The following RAB44 variants were observed in gnomAD, a reference collection of about 807,000 sequenced individuals.
RAB44 encodes ras-related protein Rab-44.
Under a neutral mutation model 93.3 loss-of-function variants are expected in RAB44, and 67 were observed. The observed-to-expected ratio is 0.72, with a 90% CI of 0.59 to 0.88. The LOEUF is 0.88. Ranked by LOEUF, RAB44 falls within the 40% of genes least tolerant of loss-of-function variation. The pLI is 0.00. For missense variants in RAB44, 1,064 were observed against 1,261.7 expected, an observed-to-expected ratio of 0.84 and a Z score of 2.37; for synonymous variants, 427 against 520.3, an observed-to-expected ratio of 0.82 and a Z score of 2.44.
rs1762973715 is a variant in RAB44 at position 36,718,159 on chromosome 6, G to C, written c.732+41G>C. On this transcript the variant is annotated intron_variant, in intron 6 of 13. Coordinates refer to ENST00000612677, the MANE Select transcript of RAB44 (RefSeq NM_001257357.2). ...CAGCCTGCCTCCTTCCCACTGCCCG[G>C]GACACCTCTGCTGGCTAAGGAATGG... 3 of 1,197,400 alleles carry C rather than the reference G, an allele frequency of 2.5e-6. No homozygotes were observed. The Admixed American group carries it at 1.3e-4, about 51-fold the overall frequency. 74.2% of individuals were successfully genotyped at this position (1,197,400 alleles called of 1,614,324 possible).
rs758244468 is a variant in RAB44 at position 36,719,358 on chromosome 6, G to T, written c.828+770G>T. On this transcript the variant is annotated intron_variant, in intron 7 of 13. Transcript: ENST00000612677. ...TTGGAAATCGAGGCAGGCCCCTCCT[G>T]CCAAGTGAAGAGATAGGGCTTTACA... is the stretch of plus-strand genomic sequence containing the variant. 3.3e-5 allele frequency among the ~76,000 whole-genome samples: 5 copies of T among 152,302 alleles called. No homozygotes were observed. In the South Asian group the frequency reaches 1.0e-3, roughly 32 times the overall value.
intron 2 of RAB44, among the ~76,000 whole-genome samples, chr6:36,707,174 G>T (rs9462211): frequency 3.6e-4 from 55 of 151,992 alleles, no homozygotes; most frequent in Non-Finnish European, 7.4e-4. Flanking sequence ...ACAAAAATTA[G>T]CCAGGCGTGG....
At chr6:36,725,825 T>C (rs1253255578) in intron 9 of RAB44, 37 bp from the exon 10 acceptor site, 3 of 1,471,832 alleles carry the variant, frequency 2.0e-6, no homozygotes, top group African/African-American at 1.4e-5. Context: ...TCCTGGATGG[T>C]AACTTAGTAG....
At position 36,722,454 on chromosome 6, in the gene RAB44, C is replaced by T; in HGVS notation, c.2320C>T (p.Gln774Ter). Residue 774 changes from glutamine (Q) to a stop codon, truncating the protein, a stop_gained, in exon 9 of 14, where the codon CAA becomes TAA. Coordinates refer to ENST00000612677, the MANE Select transcript of RAB44 (RefSeq NM_001257357.2). LOFTEE classifies it high-confidence loss of function. Reference protein sequence around the residue: ...TPPTMAEQEAQPRPSLTTAHA... With the variant: ...TPPTMAEQEA ...TCCCACCATGGCTGAGCAGGAAGCC[C>T]AACCCAGGCCATCCCTCACGACTGC... The T allele has an allele frequency of 6.9e-7, 1 of 1,442,342 alleles. No homozygotes were observed. The highest frequency in any genetic ancestry group is 9.1e-7 in the Non-Finnish European group (1 of 1,101,056). 89.3% of individuals were successfully genotyped at this position (1,442,342 alleles called of 1,614,324 possible).
intron 12 of RAB44, among the ~76,000 whole-genome samples, chr6:36,730,426 G>A (rs780179686): frequency 2.0e-5 from 3 of 152,276 alleles, no homozygotes; most frequent in South Asian, 4.2e-4. Context: ...ATGCCACTCC[G>A]AAGGCTGTGA....
intron 1 of RAB44, among the ~76,000 whole-genome samples, chr6:36,702,132 C>T (rs1179702558): frequency 1.3e-5 from 2 of 152,040 alleles, no homozygotes; most frequent in African/African-American, 4.8e-5. Context: ...TTTGCTGATT[C>T]CCATGGTGCC....
chr6:36,705,503 C>T (rs1762627417), intron 2 of RAB44, among the ~76,000 whole-genome samples: 1 of 151,372 alleles, frequency 6.6e-6, no homozygotes, highest in Admixed American at 6.6e-5. Flanking sequence ...CTGCTTCAGC[C>T]TCCCAAGTAG....
rs528976393 is a variant in RAB44 at position 36,699,349 on chromosome 6, T to A, written c.-13+1434T>A. On this transcript the variant is annotated intron_variant, in intron 1 of 13. Transcript: ENST00000612677. Reference sequence around the variant, plus strand: ...TCCTAGGATGTGGCTGCAGGGAATTTCTTCCAGGATTCTAACATCCTACAC... The same window carrying A: ...TCCTAGGATGTGGCTGCAGGGAATTACTTCCAGGATTCTAACATCCTACAC... Among the ~76,000 whole-genome samples the A allele has an allele frequency of 2.3e-4, 35 of 152,240 alleles. No individual in the cohort carries two copies. In the Middle Eastern group the frequency reaches 0.017, roughly 74 times the overall value.
intron 1 of RAB44, among the ~76,000 whole-genome samples, chr6:36,702,939 C>A (rs771397140): frequency 7.9e-5 from 12 of 151,970 alleles, no homozygotes; most frequent in African/African-American, 2.9e-4. Context: ...GCTAAGGGGG[C>A]GGGGAGCAGT....
chr6:36,704,067 C>T (rs958221914), intron 1 of RAB44, among the ~76,000 whole-genome samples, 157 bp from the exon 2 acceptor site: 2 of 152,076 alleles, frequency 1.3e-5, no homozygotes, highest in African/African-American at 4.8e-5. Context: ...GGCGGCTGGG[C>T]GACGAGGTCA....
intron 1 of RAB44, among the ~76,000 whole-genome samples, chr6:36,699,862 T>C (rs1762470970): frequency 6.6e-6 from 1 of 152,254 alleles, no homozygotes; most frequent in South Asian, 2.1e-4. Context: ...TTGCTACCTT[T>C]ACCTGGTAGT....
In RAB44 at chr6:36,708,029, G is replaced by A. The variant is rs373024036; in HGVS notation, c.207+3587G>A. ...AATTCAAGACCAGTCTGGACAATATGGAGAGATTCCATCCTATAAAAAGGT... is the reference window on the plus strand; with the variant it reads ...AATTCAAGACCAGTCTGGACAATATAGAGAGATTCCATCCTATAAAAAGGT... On this transcript the variant is annotated intron_variant, in intron 2 of 13. Transcript: ENST00000612677. Among the ~76,000 whole-genome samples the A allele has an allele frequency of 6.0e-4, 92 of 152,156 alleles. 1 individual carries two copies. Among genetic ancestry groups the A allele is most frequent in the African/African-American group, 2.1e-3 (89 of 41,506 alleles).
At chr6:36,716,905 C>T (rs1369841816) in intron 4 of RAB44, among the ~76,000 whole-genome samples, 1 of 152,156 alleles carries the variant, frequency 6.6e-6, no homozygotes, top group Non-Finnish European at 1.5e-5. Flanking sequence ...TCAGCCCCCA[C>T]CCCATTTTAC....
intron 2 of RAB44, among the ~76,000 whole-genome samples, chr6:36,709,385 G>A (rs1003109780): frequency 6.6e-6 from 1 of 152,114 alleles, no homozygotes; most frequent in Non-Finnish European, 1.5e-5. Flanking sequence ...AACTTTCTAC[G>A]ACATTCTATA....
chr6:36,701,290 A>G (rs1165083717), intron 1 of RAB44, among the ~76,000 whole-genome samples: 2 of 151,800 alleles, frequency 1.3e-5, no homozygotes, highest in Non-Finnish European at 2.9e-5. Flanking sequence ...TTTGTTTTTG[A>G]TAGAGATGGA....
chr6:36,699,036 C>T (rs1293735885), intron 1 of RAB44, among the ~76,000 whole-genome samples: 3 of 152,058 alleles, frequency 2.0e-5, no homozygotes, highest in Admixed American at 2.0e-4. Flanking sequence ...GGGGTGAGTG[C>T]ACCATCCCAC....
rs1196714165 is a variant in RAB44, at chr6:36,720,396, C to T, written c.862C>T (p.His288Tyr). The T allele has an allele frequency of 4.1e-6, 5 of 1,232,392 alleles. No homozygotes were observed. Among genetic ancestry groups the T allele is most frequent in the Non-Finnish European group, 5.1e-6 (5 of 988,212 alleles). The allele number at this position is 1,232,392 out of a possible 1,614,324, so 76.3% of individuals were successfully genotyped here. ...CCAGCTCTCCCACCTCAGGAGCACA[C>T]ATCAGGAGGCTGCCTCAGAGAACCA... ...EAQLSHLRST[H>Y]QEAASENQQL... is the part of the protein sequence containing the mutation. Residue 288 changes from histidine (H) to tyrosine (Y), a missense_variant, in exon 8 of 14, where the codon CAT (histidine) becomes TAT (tyrosine). Transcript: ENST00000612677.
chr6:36,722,964 G>A (rs977377256), intron 9 of RAB44, among the ~76,000 whole-genome samples: 3 of 152,262 alleles, frequency 2.0e-5, no homozygotes, highest in African/African-American at 7.2e-5. Context: ...CTTATAAGGT[G>A]CCACATCAAC....
At chr6:36,712,100 C>T (rs1027302685) in intron 2 of RAB44, among the ~76,000 whole-genome samples, 1 of 151,902 alleles carries the variant, frequency 6.6e-6, no homozygotes, top group Admixed American at 6.6e-5. Context: ...GTCAGGGGTT[C>T]GAGACCAGCT....
Sources: gnomAD v4.1 joint callset for allele counts (sites outside exome capture counted in the v4.1 genomes callset) on GRCh38, gnomAD v4.1.1 for gene constraint, MANE v1.5 for transcripts, NCBI Gene and HGNC (gene_info 2026-07-23, HGNC 2026-07-21) for gene names.